Variants in ANKFN1 observed in about 807,000 individuals in gnomAD.
The protein encoded by ANKFN1 is ankyrin repeat and fibronectin type-III domain-containing protein 1.
Under a neutral mutation model 108.7 loss-of-function variants are expected in ANKFN1, and 74 were observed. That is an observed-to-expected ratio of 0.68 (90% CI 0.56 to 0.83). ANKFN1 has a LOEUF of 0.83. ANKFN1 is among the 40% of genes least tolerant of loss of function. The pLI is 0.00. For missense variants in ANKFN1, 1,505 were observed against 1,382.3 expected (o/e 1.09, Z -1.41); for synonymous variants, 547 against 516.2 (o/e 1.06, Z -0.81).
chr17:56,305,125 C>A (rs1277795012), intron 3 of ANKFN1, among the ~76,000 whole-genome samples: 2 of 152,166 alleles, frequency 1.3e-5, no homozygotes, highest in Admixed American at 1.3e-4. Flanking sequence ...CTTCACATGG[C>A]AGCACCAAGA....
intron 3 of ANKFN1, among the ~76,000 whole-genome samples, chr17:56,290,384 G>T (rs2044328367): frequency 6.6e-6 from 1 of 152,132 alleles, no homozygotes; most frequent in Admixed American, 6.5e-5. Flanking sequence ...TATCATGTTT[G>T]TATTTACAAG....
At chr17:56,387,525 T>C (rs7212737) in intron 8 of ANKFN1, among the ~76,000 whole-genome samples, 16,798 of 152,260 alleles carry the variant, frequency 0.11, 3,080 homozygotes, top group African/African-American at 0.38. Context: ...TCCAAAAATA[T>C]GGACTACAGT....
At position 56,301,561 on chromosome 17, in the gene ANKFN1, A is replaced by G. The variant is rs575053860; in HGVS notation, c.54-24660A>G. Among the ~76,000 whole-genome samples, 4 of 152,294 alleles carry G rather than the reference A, an allele frequency of 2.6e-5. No homozygotes were observed. In the East Asian group the frequency reaches 7.7e-4, roughly 29 times the overall value. On this transcript the variant is annotated intron_variant, in intron 3 of 20. Transcript: ENST00000682825. Reference sequence around the variant, plus strand: ...GCTAGGGGAACACTTGTCTCCCAAAACAAAGCTGCAAATAAGAGATCCAAT... The same window carrying G: ...GCTAGGGGAACACTTGTCTCCCAAAGCAAAGCTGCAAATAAGAGATCCAAT...
At chr17:56,467,774 AGAAAGAAAGAAAGAAAG>A (rs2050138410) in intron 15 of ANKFN1, among the ~76,000 whole-genome samples, 1 of 18,090 alleles carries the variant, frequency 5.5e-5, no homozygotes, top group African/African-American at 1.3e-4. Context: ...AAAGAAAGAA[AGAAAGAAAGAAAGAAAG>A]AAGAAAGAAA....
At chr17:56,416,951 A>G (rs2048257646) in intron 8 of ANKFN1, among the ~76,000 whole-genome samples, 1 of 152,198 alleles carries the variant, frequency 6.6e-6, no homozygotes, top group African/African-American at 2.4e-5. Context: ...GAAATAAGTC[A>G]GGCACAGAAA....
intron 1 of ANKFN1, among the ~76,000 whole-genome samples, chr17:56,197,422 A>G (rs767195319): frequency 1.3e-5 from 2 of 152,244 alleles, no homozygotes; most frequent in African/African-American, 4.8e-5. Context: ...AATAATAAAA[A>G]TAGGTTTTAC....
chr17:56,259,585 G>A (rs1485998856), intron 3 of ANKFN1, among the ~76,000 whole-genome samples: 1 of 152,008 alleles, frequency 6.6e-6, no homozygotes, highest in Non-Finnish European at 1.5e-5. Flanking sequence ...ATGACCATAA[G>A]CTACTATGAG....
At chr17:56,173,953 G>T (rs1910901422) in intron 1 of ANKFN1, among the ~76,000 whole-genome samples, 1 of 152,190 alleles carries the variant, frequency 6.6e-6, no homozygotes, top group South Asian at 2.1e-4. Context: ...TCCACAATCT[G>T]CCCTGAGTAT....
At chr17:56,226,097 GA>G (rs1268132662) in intron 2 of ANKFN1, among the ~76,000 whole-genome samples, 1 of 152,162 alleles carries the variant, frequency 6.6e-6, no homozygotes, top group Non-Finnish European at 1.5e-5. Context: ...ATTTTCAGTG[GA>G]CTTTTTTTTT....
rs2050074316 is a variant in ANKFN1, at chr17:56,466,426, TCATAGTCAC to T, written c.1632_1640del (p.Val545_Ile547del). On this transcript the variant is annotated inframe_deletion, in exon 15 of 21. Coordinates refer to ENST00000682825, the MANE Select transcript of ANKFN1 (RefSeq NM_001370326.1). Reference sequence around the variant, plus strand: ...ATTAAAGATCGACATGGAAACATACTCATAGTCACCATCAGGGAGGTGGAGATGCTTTAT... The same window carrying T: ...ATTAAAGATCGACATGGAAACATACTCATCAGGGAGGTGGAGATGCTTTAT... 6.2e-7 allele frequency: 1 copy of T among 1,614,078 alleles called. No individual in the cohort carries two copies. Among genetic ancestry groups the T allele is most frequent in the Non-Finnish European group, 8.5e-7 (1 of 1,180,026 alleles).
At chr17:56,282,195 T>C (rs1009134035) in intron 3 of ANKFN1, among the ~76,000 whole-genome samples, 1 of 152,034 alleles carries the variant, frequency 6.6e-6, no homozygotes, top group Non-Finnish European at 1.5e-5. Context: ...TTCAAAAACA[T>C]GTTGAGTGAA....
intron 1 of ANKFN1, among the ~76,000 whole-genome samples, chr17:56,175,901 A>G (rs952133863): frequency 3.3e-5 from 4 of 122,656 alleles, no homozygotes; most frequent in African/African-American, 1.2e-4. Context: ...AATGGCTAGA[A>G]TTAATAGCCT....
At chr17:56,231,413 T>C (rs1385597609) in intron 3 of ANKFN1, among the ~76,000 whole-genome samples, 5 of 152,214 alleles carry the variant, frequency 3.3e-5, no homozygotes, top group Non-Finnish European at 7.3e-5. Flanking sequence ...TACAGGGATG[T>C]AGCATTTATG....
intron 4 of ANKFN1, among the ~76,000 whole-genome samples, chr17:56,344,773 A>T (rs557530417): frequency 2.6e-5 from 4 of 152,158 alleles, no homozygotes; most frequent in Admixed American, 2.6e-4. Context: ...CCCCAGACAG[A>T]TGAAATAATG....
At chr17:56,143,999 T>C (rs1169690346) in intron 4 of ANKFN1, among the ~76,000 whole-genome samples, 2 of 152,050 alleles carry the variant, frequency 1.3e-5, no homozygotes, top group African/African-American at 2.4e-5. Context: ...TAATCTGCTA[T>C]AGTAACCCTA....
intron 4 of ANKFN1, among the ~76,000 whole-genome samples, chr17:56,119,284 C>A (rs1469524071): frequency 6.6e-6 from 1 of 152,036 alleles, no homozygotes; most frequent in Non-Finnish European, 1.5e-5. Flanking sequence ...ACAAGGCACT[C>A]AAGAAACAAG....
chr17:56,282,197 T>C (rs77471141), intron 3 of ANKFN1, among the ~76,000 whole-genome samples: 1,782 of 152,046 alleles, frequency 0.012, 35 homozygotes, highest in African/African-American at 0.04. Context: ...CAAAAACATG[T>C]TGAGTGAAAG....
chr17:56,180,307 G>A (rs921783497), intron 1 of ANKFN1, among the ~76,000 whole-genome samples: 16 of 152,266 alleles, frequency 1.1e-4, no homozygotes, highest in African/African-American at 3.1e-4. Context: ...GTTGCTAGGC[G>A]TGTCAGCGTG....
intron 8 of ANKFN1, among the ~76,000 whole-genome samples, chr17:56,407,060 A>C (rs1020673754): frequency 3.3e-4 from 50 of 152,180 alleles, no homozygotes; most frequent in African/African-American, 1.2e-3. Context: ...ATAATTCTGT[A>C]GCTCAGGGGT....
Sources: allele counts gnomAD v4.1 joint callset (sites outside exome capture counted in the v4.1 genomes callset), GRCh38; gene constraint gnomAD v4.1.1; transcripts MANE v1.5; gene names NCBI Gene and HGNC (gene_info 2026-07-23, HGNC 2026-07-21).